Variants in GRID2 observed in about 807,000 individuals in gnomAD.
GRID2 encodes the protein glutamate receptor ionotropic, delta-2.
A neutral mutation model predicts 114.8 loss-of-function variants in GRID2; 33 were observed. The observed-to-expected ratio is 0.29, with a 90% CI of 0.22 to 0.38. The LOEUF is 0.38. Among genes scored for constraint, GRID2 ranks in the 10% least tolerant of loss-of-function variants. The pLI is 1.00. For missense variants in GRID2, 1,184 were observed against 1,257.7 expected (o/e 0.94, Z 0.89); for synonymous variants, 505 against 449.9 (o/e 1.12, Z -1.55).
At chr4:92,890,678 G>T (rs1041106110) in intron 2 of GRID2, among the ~76,000 whole-genome samples, 1 of 152,178 alleles carries the variant, frequency 6.6e-6, no homozygotes, top group Admixed American at 6.5e-5. Flanking sequence ...GTGTAAATTA[G>T]TTCAACCGTT....
intron 8 of GRID2, among the ~76,000 whole-genome samples, chr4:93,317,519 T>G (rs1166046710): frequency 6.6e-6 from 1 of 152,104 alleles, no homozygotes; most frequent in African/African-American, 2.4e-5. Flanking sequence ...ACATAAAATT[T>G]GAATTGTCTG....
intron 2 of GRID2, among the ~76,000 whole-genome samples, chr4:92,879,696 TA>T (rs1745869569): frequency 6.6e-6 from 1 of 152,254 alleles, no homozygotes; most frequent in Admixed American, 6.5e-5. Context: ...TTTATTAATT[TA>T]AAAATCTCAG....
intron 13 of GRID2, among the ~76,000 whole-genome samples, chr4:93,559,772 A>G (rs1054962837): frequency 6.6e-6 from 1 of 152,220 alleles, no homozygotes; most frequent in Non-Finnish European, 1.5e-5. Flanking sequence ...ATAAAGACAC[A>G]TGCACAAGTA....
At chr4:92,967,204 G>A (rs1244654153) in intron 2 of GRID2, among the ~76,000 whole-genome samples, 1 of 151,900 alleles carries the variant, frequency 6.6e-6, no homozygotes, top group Non-Finnish European at 1.5e-5. Context: ...CTTGTGAATT[G>A]TAGTGGATTC....
intron 14 of GRID2, among the ~76,000 whole-genome samples, chr4:93,718,735 G>T (rs761671423): frequency 1.2e-4 from 19 of 152,010 alleles, no homozygotes; most frequent in Admixed American, 2.6e-4. Context: ...AAATCCGTAG[G>T]AATCAATGCA....
intron 14 of GRID2, among the ~76,000 whole-genome samples, chr4:93,685,750 C>A (rs1235525124): frequency 6.6e-6 from 1 of 152,040 alleles, no homozygotes; most frequent in Non-Finnish European, 1.5e-5. Flanking sequence ...ACACTTATAT[C>A]CATGTGATAA....
At chr4:92,886,496 C>A (rs1432549927) in intron 2 of GRID2, among the ~76,000 whole-genome samples, 1 of 151,978 alleles carries the variant, frequency 6.6e-6, no homozygotes, top group Non-Finnish European at 1.5e-5. Context: ...ATGAGGTATG[C>A]CTCTCCCTGT....
chr4:93,722,272 C>A (rs977073232), intron 14 of GRID2, among the ~76,000 whole-genome samples: 4 of 152,006 alleles, frequency 2.6e-5, no homozygotes, highest in Admixed American at 2.6e-4. Flanking sequence ...ATACTTTATA[C>A]CTTATCACAT....
At chr4:92,941,405 G>A (rs1277820042) in intron 2 of GRID2, among the ~76,000 whole-genome samples, 1 of 152,006 alleles carries the variant, frequency 6.6e-6, no homozygotes, top group Admixed American at 6.6e-5. Flanking sequence ...CTTTGGGATT[G>A]GTGGTGATAT....
At chr4:92,576,828 T>G (rs1487109220) in intron 1 of GRID2, among the ~76,000 whole-genome samples, 1 of 152,182 alleles carries the variant, frequency 6.6e-6, no homozygotes, top group African/African-American at 2.4e-5. Flanking sequence ...CCATTGCTCC[T>G]GGGTGTGCCG....
At chr4:92,614,652 T>A (rs1013245394) in intron 2 of GRID2, among the ~76,000 whole-genome samples, 2 of 151,698 alleles carry the variant, frequency 1.3e-5, no homozygotes, top group Admixed American at 1.3e-4. Flanking sequence ...AGTATATTCA[T>A]GTGTGCTTGA....
intron 2 of GRID2, among the ~76,000 whole-genome samples, chr4:92,794,828 C>T (rs866222745): frequency 2.8e-5 from 4 of 144,218 alleles, no homozygotes; most frequent in African/African-American, 1.0e-4. Context: ...CTACTGTTGA[C>T]CAGAAGCCTT....
chr4:93,796,925 G>A (rs557729875), intron 1 of GRID2, among the ~76,000 whole-genome samples: 19 of 152,242 alleles, frequency 1.2e-4, no homozygotes, highest in African/African-American at 3.9e-4. Context: ...AATGGGGTAC[G>A]TTCTCAGAAA....
chr4:92,412,151 A>G (rs1021538893), intron 1 of GRID2, among the ~76,000 whole-genome samples: 8 of 151,592 alleles, frequency 5.3e-5, no homozygotes, highest in South Asian at 2.1e-4. Context: ...TGTGTGTTCA[A>G]TTGGCTCTTG....
intron 8 of GRID2, among the ~76,000 whole-genome samples, chr4:93,379,945 A>T (rs1451333540): frequency 1.3e-5 from 2 of 152,068 alleles, no homozygotes; most frequent in African/African-American, 2.4e-5. Context: ...TAGTGTTTTA[A>T]CTTAACAGAC....
At chr4:93,650,208 G>C (rs531380802) in intron 14 of GRID2, among the ~76,000 whole-genome samples, 22 of 152,170 alleles carry the variant, frequency 1.4e-4, no homozygotes, top group Non-Finnish European at 2.4e-4. Flanking sequence ...ACAGAAAGCA[G>C]CCCTAAGGAT....
chr4:93,465,673 A>T (rs1402339298), intron 11 of GRID2, among the ~76,000 whole-genome samples: 1 of 152,228 alleles, frequency 6.6e-6, no homozygotes, highest in Non-Finnish European at 1.5e-5. Flanking sequence ...GGCAAGAGAT[A>T]GAATCAGCCA....
At chr4:93,258,104 G>T (rs1749827442) in intron 8 of GRID2, among the ~76,000 whole-genome samples, 1 of 150,204 alleles carries the variant, frequency 6.7e-6, no homozygotes, top group Non-Finnish European at 1.5e-5. Flanking sequence ...ATAATCAATT[G>T]CAGACCATAC....
intron 8 of GRID2, among the ~76,000 whole-genome samples, chr4:93,256,479 A>G (rs1749603798): frequency 6.6e-6 from 1 of 151,474 alleles, no homozygotes; most frequent in African/African-American, 2.4e-5. Flanking sequence ...TGGGGCTGTT[A>G]TATCAATCCC....
Sources: allele counts gnomAD v4.1 joint callset (sites outside exome capture counted in the v4.1 genomes callset), GRCh38; gene constraint gnomAD v4.1.1; transcripts MANE v1.5; gene names NCBI Gene and HGNC (gene_info 2026-07-23, HGNC 2026-07-21).